FMR1: variants seen among roughly 807,000 people sequenced by gnomAD.
FMR1 encodes the protein FMRP translational regulator 1.
In FMR1, 13 loss-of-function variants were observed where a neutral mutation model predicts 50.6. The ratio of observed to expected loss-of-function variants is 0.26; its 90% confidence interval spans 0.17 to 0.41. The LOEUF is 0.41. Among genes scored for constraint, FMR1 ranks in the 10% least tolerant of loss-of-function variants. The pLI, the probability that FMR1 is intolerant of heterozygous loss-of-function variation, is 1.00. For synonymous variants in FMR1, 138 were observed against 164.1 expected (o/e 0.84, Z 1.22); for missense variants, 316 against 491.3 (o/e 0.64, Z 3.37).
chrX:147,924,002 T>G (rs1557176968), intron 2 of FMR1, among the ~76,000 whole-genome samples: 1 of 112,104 alleles, frequency 8.9e-6, no homozygotes, highest in Non-Finnish European at 1.9e-5. Context: ...TGTTTTTAGG[T>G]GCTTCCTAAA....
chrX:147,931,052 A>G (rs1557178594), intron 7 of FMR1: 8 of 111,901 alleles, frequency 7.1e-5, no homozygotes, highest in Non-Finnish European at 1.5e-4. Context: ...GCAGAAGGGG[A>G]AAAGTTTAAT....
rs782407009 is a variant in FMR1 at position 147,950,247 on chromosome X, T to C, written c.*1403T>C. 7.0e-5 allele frequency: 23 copies of C among 327,957 alleles called. No individual in the cohort carries two copies. The highest frequency in any genetic ancestry group is 6.0e-4 in the South Asian group (23 of 38,360). The allele number at this position is 327,957 out of a possible 1,213,427, so 27.0% of individuals were successfully genotyped here. ...CTGATGTATTTTGTGAGTTTGTTTC[T>C]TTGAATTTTCATTTTACAGTTACTT... On this transcript the variant is annotated 3_prime_UTR_variant, in exon 17 of 17. Coordinates refer to ENST00000370475, the MANE Select transcript of FMR1 (RefSeq NM_002024.6).
In FMR1 at chrX:147,950,190, T is replaced by C. The variant is rs2044287547; in HGVS notation, c.*1346T>C. 3.1e-6 allele frequency: 1 copy of C among 326,536 alleles called. No homozygotes were observed. Among genetic ancestry groups the C allele is most frequent in the Non-Finnish European group, 5.9e-6 (1 of 169,337 alleles). The allele number at this position is 326,536 out of a possible 1,213,427, so 26.9% of individuals were successfully genotyped here. A position where few individuals can be genotyped will look rare whatever the true frequency, so the allele number is the denominator to read the frequency against. The stretch of plus-strand genomic sequence containing the variant: ...CTCCTAGTAGGGGTACCACTGAATC[T>C]GTACAGAGCCGTAAAAACTGAAGTT... On this transcript the variant is annotated 3_prime_UTR_variant, in exon 17 of 17. Coordinates refer to ENST00000370475, the MANE Select transcript of FMR1 (RefSeq NM_002024.6).
chrX:147,946,542 T>C (rs1413771003), intron 16 of FMR1, among the ~76,000 whole-genome samples: 4 of 112,223 alleles, frequency 3.6e-5, no homozygotes, highest in African/African-American at 9.7e-5. Context: ...GTGCTTTGTG[T>C]ATGTTTTATC....
rs1269910912 is a variant in FMR1 at position 147,912,075 on chromosome X, C to A, written c.-105C>A. The stretch of plus-strand genomic sequence containing the variant: ...GCGGCGGCGGCGGCGGCGGCGGCGG[C>A]GGCGGAGGCGGCGGCGGCGGCGGCG... On this transcript the variant is annotated 5_prime_UTR_variant, in exon 1 of 17. Transcript: ENST00000370475. 5.3e-4 allele frequency: 173 copies of A among 325,871 alleles called. No homozygotes were observed. Among genetic ancestry groups the A allele is most frequent in the Non-Finnish European group, 6.4e-4 (162 of 252,544 alleles). 26.9% of individuals were successfully genotyped at this position (325,871 alleles called of 1,213,427 possible). A position where few individuals can be genotyped will look rare whatever the true frequency, so the allele number is the denominator to read the frequency against.
At chrX:147,939,614 C>T (rs985733734) in intron 12 of FMR1, among the ~76,000 whole-genome samples, 8 of 109,778 alleles carry the variant, frequency 7.3e-5, no homozygotes, top group East Asian at 2.8e-4. Flanking sequence ...AGAATTTGAT[C>T]GGCCAGGCGC....
At chrX:147,923,327 G>A (rs933337224) in intron 2 of FMR1, among the ~76,000 whole-genome samples, 15 of 111,773 alleles carry the variant, frequency 1.3e-4, no homozygotes, top group Admixed American at 1.9e-4. Context: ...TTGTCTCTTC[G>A]CTGTTTCATA....
rs782529101 is a variant in FMR1 at position 147,921,862 on chromosome X, C to T, written c.52-71C>T. 1.2e-5 allele frequency: 8 copies of T among 670,794 alleles called. No individual in the cohort carries two copies. In the South Asian group the frequency reaches 1.8e-4, roughly 15 times the overall value. 55.3% of individuals were successfully genotyped at this position (670,794 alleles called of 1,213,427 possible). ...TAAACACATAAAACGTTTGGTATCA[C>T]TGTAAAATTTAACTAAAAACAAAAA... On this transcript the variant is annotated intron_variant, in intron 1 of 16. Coordinates refer to ENST00000370475, the MANE Select transcript of FMR1 (RefSeq NM_002024.6).
At chrX:147,918,747 G>C (rs144395944) in intron 1 of FMR1, among the ~76,000 whole-genome samples, 1 of 110,219 alleles carries the variant, frequency 9.1e-6, no homozygotes, top group Non-Finnish European at 1.9e-5. Context: ...GTGCTTTTAT[G>C]ATGAGTCTGA....
chrX:147,916,727 C>G lies in FMR1; in HGVS notation c.51+4497C>G, dbSNP rs782812881. Among the ~76,000 whole-genome samples, 110 of 102,683 alleles carry G rather than the reference C, an allele frequency of 1.1e-3. 4 individuals are homozygous for G. The Middle Eastern group carries it at 0.015, about 14-fold the overall frequency. The allele number at this position is 102,683 out of a possible 115,157, so 89.2% of individuals were successfully genotyped here. A position where few individuals can be genotyped will look rare whatever the true frequency, so the allele number is the denominator to read the frequency against. On this transcript the variant is annotated intron_variant, in intron 1 of 16. Transcript: ENST00000370475. ...GTTTCTTTGGTTTGTTTCTTTGTTTCTTTAGTTTGTTTCTTTGTTTCTTTG... is the reference window on the plus strand; with the variant it reads ...GTTTCTTTGGTTTGTTTCTTTGTTTGTTTAGTTTGTTTCTTTGTTTCTTTG...
intron 16 of FMR1, among the ~76,000 whole-genome samples, chrX:147,948,048 A>G (rs782599825): frequency 8.9e-6 from 1 of 112,100 alleles, no homozygotes; most frequent in Non-Finnish European, 1.9e-5. Context: ...AGTTTTCTTT[A>G]TACTGTTCCA....
At chrX:147,932,906 T>G (rs1179227237) in intron 9 of FMR1, 143 bp downstream of exon 9, 4 of 464,511 alleles carry the variant, frequency 8.6e-6, no homozygotes, top group African/African-American at 2.5e-5. Flanking sequence ...TCTGTTCTTT[T>G]TTTTTATTAT....
chrX:147,931,634 A>G (rs1557178730), intron 7 of FMR1, among the ~76,000 whole-genome samples: 1 of 111,633 alleles, frequency 9.0e-6, no homozygotes, highest in Non-Finnish European at 1.9e-5. Context: ...ACTGAACACT[A>G]AATTTTGATA....
intron 9 of FMR1, chrX:147,933,635 T>A (rs1208155181): frequency 1.2e-6 from 1 of 843,526 alleles, no homozygotes; most frequent in East Asian, 5.9e-5. Flanking sequence ...TGCAGTTTTA[T>A]CAAGAAAGCT....
chrX:147,944,545 TC>T (rs1423512779), intron 14 of FMR1: 39 of 858,259 alleles, frequency 4.5e-5, no homozygotes, highest in Non-Finnish European at 5.0e-5. Flanking sequence ...AATCTTTTCC[TC>T]CAGAGAGTAT....
chrX:147,934,694 C>G (rs2043728567), intron 9 of FMR1, among the ~76,000 whole-genome samples: 1 of 111,719 alleles, frequency 9.0e-6, no homozygotes, highest in Admixed American at 9.5e-5. Context: ...AGTAAATCAG[C>G]CTTGTTTTTG....
At chrX:147,915,537 G>C (rs1569545197) in intron 1 of FMR1, among the ~76,000 whole-genome samples, 1 of 110,737 alleles carries the variant, frequency 9.0e-6, no homozygotes, top group Admixed American at 9.5e-5. Flanking sequence ...CTTTGTGGCT[G>C]CATCATTTTT....
intron 14 of FMR1, 45 bp downstream of exon 14, chrX:147,943,371 C>T (rs1557181313): frequency 9.6e-7 from 1 of 1,038,275 alleles, no homozygotes; most frequent in African/African-American, 1.9e-5. Flanking sequence ...TGTTCCTAGA[C>T]TTATAGCTGC....
chrX:147,940,825 A>T (rs1318581497), intron 13 of FMR1, among the ~76,000 whole-genome samples, 163 bp downstream of exon 13: 4 of 112,469 alleles, frequency 3.6e-5, no homozygotes, highest in Non-Finnish European at 7.5e-5. Flanking sequence ...TAATTTTTTT[A>T]AAAATGGAAG....
Sources: allele counts gnomAD v4.1 joint callset (sites outside exome capture counted in the v4.1 genomes callset), GRCh38; gene constraint gnomAD v4.1.1; transcripts MANE v1.5; gene names NCBI Gene and HGNC (gene_info 2026-07-23, HGNC 2026-07-21).